Variants in ZMYM2 observed in about 807,000 individuals in gnomAD.
The protein encoded by ZMYM2 is zinc finger MYM-type containing 2, also known as zinc finger MYM-type protein 2.
A neutral mutation model predicts 162.8 loss-of-function variants in ZMYM2; 56 were observed. The ratio of observed to expected loss-of-function variants is 0.34; its 90% CI spans 0.28 to 0.43. ZMYM2 has a LOEUF of 0.43. Ranked by LOEUF, ZMYM2 falls within the 20% of genes least tolerant of loss-of-function variation. ZMYM2 has a pLI of 1.00. For missense variants in ZMYM2, 1,275 were observed against 1,621.8 expected (o/e 0.79, Z 3.67); for synonymous variants, 510 against 541.6 (o/e 0.94, Z 0.81).
At chr13:20,085,790 G>T in intron 24 of ZMYM2, 32 bp from the exon 25 acceptor site, 1 of 1,560,102 alleles carries the variant, frequency 6.4e-7, no homozygotes, top group South Asian at 1.2e-5. Context: ...TTGTGAAATT[G>T]ACTTTTTCTC....
At chr13:19,865,214 T>A in the ZMYM2 span, among the ~76,000 whole-genome samples, 1 of 152,098 alleles carries the variant, frequency 6.6e-6, no homozygotes, top group East Asian at 1.9e-4. Context: ...ACAGTAACAA[T>A]AGCTGATGAG....
chr13:19,961,454 T>C (rs1955197587), intron 2 of ZMYM2, among the ~76,000 whole-genome samples: 1 of 152,250 alleles, frequency 6.6e-6, no homozygotes, highest in Non-Finnish European at 1.5e-5. Flanking sequence ...TCTAATGAGT[T>C]TGAAGTTCAT....
At chr13:19,976,673 TG>T (rs1357873117) in intron 2 of ZMYM2, among the ~76,000 whole-genome samples, 1 of 152,270 alleles carries the variant, frequency 6.6e-6, no homozygotes, top group African/African-American at 2.4e-5. Context: ...TTTGTCTTTT[TG>T]TGACTGGCTG....
intron 12 of ZMYM2, among the ~76,000 whole-genome samples, chr13:20,043,679 A>G (rs1035524975): frequency 6.6e-6 from 1 of 151,888 alleles, no homozygotes; most frequent in Non-Finnish European, 1.5e-5. Context: ...TAAGGCTCCA[A>G]CTGCAGTGTC....
At chr13:19,991,496 T>G (rs1407387568) in intron 2 of ZMYM2, among the ~76,000 whole-genome samples, 1 of 152,198 alleles carries the variant, frequency 6.6e-6, no homozygotes, top group Non-Finnish European at 1.5e-5. Context: ...TAGAAAATAT[T>G]AGTTGAATAT....
At chr13:19,929,914 G>T in the ZMYM2 span, among the ~76,000 whole-genome samples, 2 of 152,082 alleles carry the variant, frequency 1.3e-5, no homozygotes, top group Non-Finnish European at 2.9e-5. Context: ...CAGTCTTCCT[G>T]GCCTCAAATT....
chr13:20,013,304 T>C (rs970009803), intron 6 of ZMYM2, among the ~76,000 whole-genome samples: 32 of 152,236 alleles, frequency 2.1e-4, no homozygotes, highest in Non-Finnish European at 3.4e-4. Context: ...ACATTGATCA[T>C]GTACTGTGCA....
intron 9 of ZMYM2, among the ~76,000 whole-genome samples, chr13:20,028,945 AAAT>A (rs1952825273): frequency 6.6e-6 from 1 of 152,312 alleles, no homozygotes; most frequent in African/African-American, 2.4e-5. Flanking sequence ...CTCTGCATAT[AAAT>A]AATACAAAAT....
At chr13:20,022,572 A>G (rs902071232) in intron 7 of ZMYM2, among the ~76,000 whole-genome samples, 4 of 152,222 alleles carry the variant, frequency 2.6e-5, no homozygotes. Flanking sequence ...TCCTTAAATT[A>G]CAAAGTTAGA....
rs1346507149 is a variant in ZMYM2 at position 19,959,941 on chromosome 13, T to C, written c.-79-17T>C. The stretch of plus-strand genomic sequence containing the variant: ...TGTGTGTTTTTGATACATTTTTCTT[T>C]TTTCCTCCTATCCCAGGACCAAGAA... On this transcript the variant is annotated splice_polypyrimidine_tract_variant and intron_variant, in intron 1 of 24. Coordinates refer to ENST00000610343, the MANE Select transcript of ZMYM2 (RefSeq NM_197968.4). 6.6e-6 allele frequency: 1 copy of C among 152,274 alleles called. No homozygotes were observed. The highest frequency in any genetic ancestry group is 1.5e-5 in the Non-Finnish European group (1 of 68,102). 9.4% of individuals were successfully genotyped at this position (152,274 alleles called of 1,614,324 possible).
In ZMYM2 at chr13:20,086,049, G is replaced by T; in HGVS notation, c.*35G>T. ...TTGCAGAAGCAATCGGGATAAAACAGCATTAGATAGTCATGCTGCTAGATC... is the reference window on the plus strand; with the variant it reads ...TTGCAGAAGCAATCGGGATAAAACATCATTAGATAGTCATGCTGCTAGATC... On this transcript the variant is annotated 3_prime_UTR_variant, in exon 25 of 25. Transcript: ENST00000610343. 2 of 1,585,326 alleles carry T rather than the reference G, an allele frequency of 1.3e-6. No individual in the cohort carries two copies. Among genetic ancestry groups the T allele is most frequent in the Non-Finnish European group, 1.7e-6 (2 of 1,161,218 alleles).
chr13:19,883,649 TTC>T, the ZMYM2 span, among the ~76,000 whole-genome samples: 7 of 152,336 alleles, frequency 4.6e-5, no homozygotes, highest in East Asian at 1.9e-4. Context: ...TCTTTTCAAT[TTC>T]TGAGTGCTTT....
the ZMYM2 span, among the ~76,000 whole-genome samples, chr13:19,888,214 T>C: frequency 1.3e-5 from 2 of 151,554 alleles, no homozygotes; most frequent in Non-Finnish European, 2.9e-5. Context: ...TTTGAGACAG[T>C]GTCTCACTCT....
At chr13:19,908,014 G>C in the ZMYM2 span, among the ~76,000 whole-genome samples, 4 of 152,022 alleles carry the variant, frequency 2.6e-5, no homozygotes, top group East Asian at 7.8e-4. Flanking sequence ...GCAGCCAGCC[G>C]TGGTGGCTCA....
At chr13:19,902,044 C>T in the ZMYM2 span, among the ~76,000 whole-genome samples, 1 of 152,170 alleles carries the variant, frequency 6.6e-6, no homozygotes, top group Non-Finnish European at 1.5e-5. Flanking sequence ...CTGCCTCAGC[C>T]TCCCAAAGGT....
chr13:19,866,860 C>T, the ZMYM2 span, among the ~76,000 whole-genome samples: 12 of 151,858 alleles, frequency 7.9e-5, no homozygotes, highest in Admixed American at 5.2e-4. Context: ...TGCCACTGCA[C>T]TCCAGCATCT....
At chr13:20,011,260 G>A (rs1658927185) in intron 6 of ZMYM2, among the ~76,000 whole-genome samples, 1 of 152,122 alleles carries the variant, frequency 6.6e-6, no homozygotes, top group African/African-American at 2.4e-5. Context: ...TACAGTTTGA[G>A]TATCCCTTAT....
At chr13:19,932,186 C>T in the ZMYM2 span, among the ~76,000 whole-genome samples, 110 of 152,278 alleles carry the variant, frequency 7.2e-4, no homozygotes, top group East Asian at 0.018. Flanking sequence ...TAACTCATCT[C>T]TCTGATATCT....
At chr13:20,039,578 A>AT (rs1454684167) in intron 12 of ZMYM2, among the ~76,000 whole-genome samples, 1 of 148,574 alleles carries the variant, frequency 6.7e-6, no homozygotes, top group Admixed American at 6.8e-5. Flanking sequence ...GGTTCACGTC[A>AT]TTCTCCTGCC....
Sources: allele counts gnomAD v4.1 joint callset (sites outside exome capture counted in the v4.1 genomes callset), GRCh38; gene constraint gnomAD v4.1.1; transcripts MANE v1.5; gene names NCBI Gene and HGNC (gene_info 2026-07-23, HGNC 2026-07-21).